PRKCB: variants seen among roughly 807,000 people sequenced by gnomAD.
PRKCB encodes the protein protein kinase C beta, also known as protein kinase C beta type.
A neutral mutation model predicts 81.5 loss-of-function variants in PRKCB; 13 were observed. That is an observed-to-expected ratio of 0.16 (90% CI 0.10 to 0.25). The LOEUF (loss-of-function observed/expected upper bound fraction) is 0.25, where lower values mean the gene tolerates loss of function less well. PRKCB is among the 10% of genes least tolerant of loss of function. PRKCB has a pLI of 1.00. For missense variants in PRKCB, 509 were observed against 875.7 expected (o/e 0.58, Z 5.29); for synonymous variants, 335 against 321.4 (o/e 1.04, Z -0.45).
At chr16:24,072,288 G>A (rs1966119320) in intron 5 of PRKCB, among the ~76,000 whole-genome samples, 1 of 152,000 alleles carries the variant, frequency 6.6e-6, no homozygotes, top group Non-Finnish European at 1.5e-5. Context: ...ATTTTTTTGA[G>A]ACAGGGTGTT....
At chr16:24,102,518 T>A (rs1392134049) in intron 7 of PRKCB, among the ~76,000 whole-genome samples, 1 of 152,204 alleles carries the variant, frequency 6.6e-6, no homozygotes, top group Non-Finnish European at 1.5e-5. Flanking sequence ...TCTGTTGTGC[T>A]GTAATTGAAG....
intron 5 of PRKCB, among the ~76,000 whole-genome samples, chr16:24,089,126 AT>A (rs1467685551): frequency 6.6e-6 from 1 of 152,188 alleles, no homozygotes; most frequent in Non-Finnish European, 1.5e-5. Flanking sequence ...TGGATATTAT[AT>A]TCTATGGGGA....
chr16:23,843,085 A>C (rs1962294912), intron 2 of PRKCB, among the ~76,000 whole-genome samples: 1 of 152,244 alleles, frequency 6.6e-6, no homozygotes, highest in Non-Finnish European at 1.5e-5. Context: ...GTGGGTAATT[A>C]ACATGTGTAG....
At chr16:24,107,331 C>T (rs1363920190) in intron 7 of PRKCB, among the ~76,000 whole-genome samples, 1 of 152,194 alleles carries the variant, frequency 6.6e-6, no homozygotes, top group East Asian at 1.9e-4. Context: ...AAATTTTTCA[C>T]ACATCCTATT....
Position 23,881,639 on chromosome 16 carries a change from T to A in PRKCB, c.205+44233T>A, listed in dbSNP as rs116901142. Reference sequence around the variant, plus strand: ...TCTATTCCTTGGGATAAGTGAAAACTTGATTTTTAAAAAATAATTACAAAA... The same window carrying A: ...TCTATTCCTTGGGATAAGTGAAAACATGATTTTTAAAAAATAATTACAAAA... On this transcript the variant is annotated intron_variant, in intron 2 of 16. Transcript: ENST00000643927. Among the ~76,000 whole-genome samples the A allele has an allele frequency of 3.5e-4, 53 of 152,374 alleles. No individual in the cohort carries two copies. In the East Asian group the frequency reaches 6.6e-3, roughly 19 times the overall value.
At chr16:23,916,287 G>A (rs1336793206) in intron 2 of PRKCB, among the ~76,000 whole-genome samples, 1 of 139,224 alleles carries the variant, frequency 7.2e-6, no homozygotes, top group African/African-American at 2.7e-5. Context: ...TTGAACTCCT[G>A]GCCACAAACA....
intron 3 of PRKCB, among the ~76,000 whole-genome samples, chr16:24,017,892 A>ATTTT (rs35809970): frequency 1.4e-3 from 161 of 113,240 alleles, no homozygotes; most frequent in African/African-American, 2.3e-3. Context: ...ACCATAACTA[A>ATTTT]TTTTTTTTTT....
chr16:24,068,888 A>AAG (rs1966074004), intron 5 of PRKCB, among the ~76,000 whole-genome samples: 1 of 152,214 alleles, frequency 6.6e-6, no homozygotes, highest in Non-Finnish European at 1.5e-5. Context: ...GGGAGTGAAG[A>AAG]TAGTGAAGTA....
chr16:24,213,635 T>C (rs1968180562), intron 16 of PRKCB, among the ~76,000 whole-genome samples: 1 of 152,210 alleles, frequency 6.6e-6, no homozygotes, highest in African/African-American at 2.4e-5. Flanking sequence ...ATTATACTAT[T>C]AGGTTGTGGT....
chr16:23,907,575 C>T (rs1227364294), intron 2 of PRKCB, among the ~76,000 whole-genome samples: 3 of 152,226 alleles, frequency 2.0e-5, no homozygotes, highest in African/African-American at 7.2e-5. Context: ...CTGAACAGAC[C>T]GTTGATTAGA....
intron 9 of PRKCB, among the ~76,000 whole-genome samples, chr16:24,147,840 G>A (rs1485963845): frequency 1.3e-5 from 2 of 152,152 alleles, no homozygotes; most frequent in Admixed American, 6.5e-5. Context: ...CGTATTTACT[G>A]TGGGAATTAA....
intron 15 of PRKCB, among the ~76,000 whole-genome samples, chr16:24,188,899 G>A (rs780107241): frequency 2.6e-5 from 4 of 152,162 alleles, no homozygotes; most frequent in Middle Eastern, 3.2e-3. Flanking sequence ...AGAGTAATGG[G>A]TAATGGCCGG....
In PRKCB at chr16:23,960,887, T is replaced by C. The variant is rs371900994; in HGVS notation, c.206-27621T>C. 1.0e-3 allele frequency among the ~76,000 whole-genome samples: 157 copies of C among 152,394 alleles called. 4 individuals carry two copies. The South Asian group carries it at 0.024, about 23-fold the overall frequency. On this transcript the variant is annotated intron_variant, in intron 2 of 16. Coordinates refer to ENST00000643927, the MANE Select transcript of PRKCB (RefSeq NM_002738.7). Reference sequence around the variant, plus strand: ...TAAGATAATTGCCCAAGGTCTTAGCTAAATTCAACAGCCCTATTTGTCTTT... The same window carrying C: ...TAAGATAATTGCCCAAGGTCTTAGCCAAATTCAACAGCCCTATTTGTCTTT...
chr16:24,009,602 TAA>T (rs898834103), intron 3 of PRKCB, among the ~76,000 whole-genome samples: 77 of 150,970 alleles, frequency 5.1e-4, no homozygotes, highest in East Asian at 4.9e-3. Flanking sequence ...TTTTTTTTTT[TAA>T]AAAAGACAAG....
chr16:24,213,881 A>T (rs972492073), intron 16 of PRKCB, among the ~76,000 whole-genome samples: 1 of 152,226 alleles, frequency 6.6e-6, no homozygotes, highest in African/African-American at 2.4e-5. Flanking sequence ...CACCAGCAGG[A>T]TGGGTGAGAA....
At chr16:23,899,568 T>TGCTGTGTTGCTCAGGCTGGTCTCGA in intron 2 of PRKCB, among the ~76,000 whole-genome samples, 1 of 24,184 alleles carries the variant, frequency 4.1e-5, no homozygotes, top group Non-Finnish European at 1.3e-4. Flanking sequence ...CTTTGTAAAT[T>TGCTGTGTTGCTCAGGCTGGTCTCGA]ACTTTTGTTC....
At chr16:23,990,423 A>T (rs1011930959) in intron 3 of PRKCB, among the ~76,000 whole-genome samples, 1 of 150,864 alleles carries the variant, frequency 6.6e-6, no homozygotes, top group African/African-American at 2.4e-5. Context: ...GCACCACTGC[A>T]CTCCAGCCTG....
In PRKCB at chr16:24,069,730, A is replaced by G. The variant is rs76824414; in HGVS notation, c.530-23061A>G. Among the ~76,000 whole-genome samples, 1,135 of 152,298 alleles carry G rather than the reference A, an allele frequency of 7.5e-3. 16 individuals carry two copies. The highest frequency in any genetic ancestry group is 0.025 in the African/African-American group (1,059 of 41,554). On this transcript the variant is annotated intron_variant, in intron 5 of 16. Coordinates refer to ENST00000643927, the MANE Select transcript of PRKCB (RefSeq NM_002738.7). The stretch of plus-strand genomic sequence containing the variant: ...ACTCCAGCCTGAGTAACAAAGCAAG[A>G]CTTTGTATCAAAACAAAACAAACAA...
chr16:24,179,878 C>T (rs557573890), intron 12 of PRKCB, among the ~76,000 whole-genome samples: 45 of 152,218 alleles, frequency 3.0e-4, no homozygotes, highest in Non-Finnish European at 4.7e-4. Context: ...AGGAGGCTTG[C>T]TTATCTTGTT....
Sources: gnomAD v4.1 joint callset for allele counts (sites outside exome capture counted in the v4.1 genomes callset) on GRCh38, gnomAD v4.1.1 for gene constraint, MANE v1.5 for transcripts, NCBI Gene and HGNC (gene_info 2026-07-23, HGNC 2026-07-21) for gene names.